ADGRV1: variants seen among roughly 807,000 people sequenced by gnomAD.
The protein encoded by ADGRV1 is G-protein coupled receptor 98.
Under a neutral mutation model 596.2 loss-of-function variants are expected in ADGRV1, and 359 were observed. The observed-to-expected ratio is 0.60, with a 90% CI of 0.55 to 0.66. ADGRV1 has a LOEUF of 0.66. Ranked by LOEUF, ADGRV1 falls within the 30% of genes least tolerant of loss-of-function variation. The pLI, the probability that ADGRV1 is intolerant of heterozygous loss-of-function variation, is 0.00. For missense variants in ADGRV1, 7,274 were observed against 7,575.6 expected, an observed-to-expected ratio of 0.96 and a Z score of 1.48; for synonymous variants, 2,681 against 2,679.2, an observed-to-expected ratio of 1.00 and a Z score of -0.02.
intron 21 of ADGRV1, among the ~76,000 whole-genome samples, chr5:90,663,230 A>C (rs1353459500): frequency 1.4e-5 from 2 of 139,270 alleles, no homozygotes; most frequent in African/African-American, 5.3e-5. Context: ...TCCCACCAAC[A>C]GTGTAAAAGT....
chr5:90,859,519 G>A (rs903002505), intron 82 of ADGRV1, among the ~76,000 whole-genome samples: 10 of 150,540 alleles, frequency 6.6e-5, no homozygotes, highest in African/African-American at 2.5e-4. Flanking sequence ...TGCAACTTCC[G>A]CCTTCTGGGC....
intron 79 of ADGRV1, among the ~76,000 whole-genome samples, chr5:90,850,340 A>G (rs1766355681): frequency 1.3e-5 from 2 of 152,186 alleles, no homozygotes; most frequent in African/African-American, 2.4e-5. Flanking sequence ...CAAAATCAGA[A>G]AAGCCTCACA....
rs565479129 is a variant in ADGRV1 at position 91,143,828 on chromosome 5, T to C, written c.18433-6202T>C. On this transcript the variant is annotated intron_variant, in intron 87 of 89. Transcript: ENST00000405460. Reference sequence around the variant, plus strand: ...GTTCATGATGCCCAGGCCATTCATATGGAGGGGTGCCTGCAGGCCAGTGCT... The same window carrying C: ...GTTCATGATGCCCAGGCCATTCATACGGAGGGGTGCCTGCAGGCCAGTGCT... Among the ~76,000 whole-genome samples the C allele has an allele frequency of 7.2e-5, 11 of 152,256 alleles. No homozygotes were observed. The South Asian group carries it at 2.1e-3, about 29-fold the overall frequency.
At chr5:90,712,775 A>G (rs1414099362) in intron 42 of ADGRV1, among the ~76,000 whole-genome samples, 1 of 151,984 alleles carries the variant, frequency 6.6e-6, no homozygotes, top group African/African-American at 2.4e-5. Context: ...AAAGGTAGTA[A>G]TTCTACCTTT....
chr5:90,716,486 T>A lies in ADGRV1; in HGVS notation c.9204T>A (p.Ala3068=). ...TGGCAGCCTTAATTATTGTCCTTGC[T>A]AATGATGACGGCCCTGGAGTTCTAT... ...KNTIALIIVL[A]NDDGPGVLSF... is the part of the protein sequence containing the mutation. Residue 3068 remains alanine, a synonymous_variant, in exon 43 of 90, where the codon GCT becomes GCA. Coordinates refer to ENST00000405460, the MANE Select transcript of ADGRV1 (RefSeq NM_032119.4). 6.3e-7 allele frequency: 1 copy of A among 1,591,048 alleles called. No individual in the cohort carries two copies. Among genetic ancestry groups the A allele is most frequent in the South Asian group, 1.2e-5 (1 of 85,672 alleles).
chr5:90,639,349 CT>C (rs1314350200), intron 11 of ADGRV1, among the ~76,000 whole-genome samples: 2 of 151,992 alleles, frequency 1.3e-5, no homozygotes, highest in Non-Finnish European at 2.9e-5. Flanking sequence ...TCTGTAGAAA[CT>C]TTGTTAGCTT....
intron 84 of ADGRV1, among the ~76,000 whole-genome samples, chr5:90,976,755 C>T (rs1230027870): frequency 6.6e-6 from 1 of 152,104 alleles, no homozygotes; most frequent in African/African-American, 2.4e-5. Flanking sequence ...CTTCCTGTCA[C>T]CAAGTTAAAT....
chr5:90,848,232 T>A (rs1199492362), intron 78 of ADGRV1, among the ~76,000 whole-genome samples: 1 of 152,194 alleles, frequency 6.6e-6, no homozygotes, highest in Non-Finnish European at 1.5e-5. Context: ...TTTGCCACTA[T>A]TATAAACAAA....
In ADGRV1 at chr5:90,763,446, A is replaced by G. The variant is rs773390739; in HGVS notation, c.12262A>G (p.Asn4088Asp). The part of the protein sequence containing the change: ...EKAKHNLSPL[N>D]GTLHFDETES... ...GGCTAAACATAACCTTAGTCCTTTG[A>G]ATGGGACCCTTCATTTTGATGAGGT... is the stretch of plus-strand genomic sequence containing the variant. Residue 4088 changes from asparagine (N) to aspartate (D), a missense_variant, in exon 59 of 90, where the codon AAT (asparagine) becomes GAT (aspartate). Physicochemically the swap from Asn to Asp is conservative, Grantham distance 23. Coordinates refer to ENST00000405460, the MANE Select transcript of ADGRV1 (RefSeq NM_032119.4). 1.9e-6 allele frequency: 3 copies of G among 1,612,956 alleles called. No individual in the cohort carries two copies. In the South Asian group the frequency reaches 3.3e-5, roughly 18 times the overall value.
intron 21 of ADGRV1, among the ~76,000 whole-genome samples, chr5:90,663,262 C>A (rs1770693975): frequency 7.0e-6 from 1 of 143,700 alleles, no homozygotes; most frequent in Non-Finnish European, 1.5e-5. Flanking sequence ...TCCACATCCT[C>A]TCCAGCACCT....
At chr5:90,971,712 G>C (rs879162812) in intron 84 of ADGRV1, among the ~76,000 whole-genome samples, 3 of 152,100 alleles carry the variant, frequency 2.0e-5, no homozygotes, top group African/African-American at 4.8e-5. Flanking sequence ...CACTAAACAT[G>C]GAAAGGAACA....
intron 8 of ADGRV1, 146 bp downstream of exon 8, chr5:90,628,978 A>G: frequency 1.3e-6 from 1 of 757,620 alleles, no homozygotes; most frequent in Non-Finnish European, 2.0e-6. Flanking sequence ...CTTACTCAGT[A>G]TTCCTTCTGA....
rs758546069 is a variant in ADGRV1 at position 90,788,085 on chromosome 5, A to G, written c.13668A>G (p.Thr4556=). Residue 4556 remains threonine (T), a synonymous_variant, in exon 68 of 90, where the codon ACA becomes ACG. Coordinates refer to ENST00000405460, the MANE Select transcript of ADGRV1 (RefSeq NM_032119.4). ...LLGEIQVNWE[T]VGPNSQEALL... ...ACATCCCGCAGGTGAACTGGGAGAC[A>G]GTAGGACCCAACTCTCAAGAAGCCT... is the stretch of plus-strand genomic sequence containing the variant. 6 of 1,611,146 alleles carry G rather than the reference A, an allele frequency of 3.7e-6. No homozygotes were observed. Among genetic ancestry groups the G allele is most frequent in the South Asian group, 1.1e-5 (1 of 90,276 alleles).
At chr5:91,120,077 G>C (rs1424548619) in intron 87 of ADGRV1, among the ~76,000 whole-genome samples, 1 of 152,162 alleles carries the variant, frequency 6.6e-6, no homozygotes, top group Non-Finnish European at 1.5e-5. Context: ...CTTACACCAG[G>C]TGATCACTTG....
At chr5:90,713,969 T>G (rs914033907) in intron 42 of ADGRV1, among the ~76,000 whole-genome samples, 1 of 152,304 alleles carries the variant, frequency 6.6e-6, no homozygotes, top group South Asian at 2.1e-4. Flanking sequence ...ACCTTGAGAC[T>G]ATTTCCAAAC....
At chr5:90,676,604 C>A (rs115967108) in intron 25 of ADGRV1, among the ~76,000 whole-genome samples, 1,724 of 152,190 alleles carry the variant, frequency 0.011, 32 homozygotes, top group African/African-American at 0.039. Context: ...CATGTTCGTG[C>A]TATTTTTCCC....
chr5:90,694,597 G>T lies in ADGRV1; in HGVS notation c.7841G>T (p.Gly2614Val). ...TLVELMIHRTGGSLGQVAVEW... is the reference protein window; with the variant it reads ...TLVELMIHRTVGSLGQVAVEW... ...GTGGAGCTGATGATACACAGGACAG[G>T]GGGCAGCTTAGGTCAAGTGGCAGTC... is the stretch of plus-strand genomic sequence containing the variant. Residue 2614 changes from glycine to valine, a missense_variant, in exon 33 of 90, where the codon GGG (glycine) becomes GTG (valine). Gly to Val is a moderately radical substitution (Grantham distance 109). Around this residue, in one of 5 missense-constraint regions of ADGRV1, gnomAD observed 3,643 missense variants for 3,809.2 expected, o/e 0.96. Coordinates refer to ENST00000405460, the MANE Select transcript of ADGRV1 (RefSeq NM_032119.4). 1.2e-6 allele frequency: 2 copies of T among 1,613,812 alleles called. No homozygotes were observed. Among genetic ancestry groups the T allele is most frequent in the Non-Finnish European group, 1.7e-6 (2 of 1,179,810 alleles).
chr5:90,853,247 A>G (rs1766706002), intron 79 of ADGRV1, 37 bp from the exon 80 acceptor site: 1 of 1,556,470 alleles, frequency 6.4e-7, no homozygotes, highest in African/African-American at 1.4e-5. Context: ...ATTCAAATAC[A>G]TGCCATTTTT....
At position 90,756,832 on chromosome 5, in the gene ADGRV1, G is replaced by A. The variant is rs1276576092; in HGVS notation, c.11758-147G>A. On this transcript the variant is annotated intron_variant, in intron 56 of 89. Transcript: ENST00000405460. The stretch of plus-strand genomic sequence containing the variant: ...TTTCATTAAATATAAGAGTTCAGAA[G>A]ACCTTTTATGCATACTTATATCTGA... 2.7e-5 allele frequency: 20 copies of A among 748,102 alleles called. No homozygotes were observed. The East Asian group carries it at 4.9e-4, about 18-fold the overall frequency. The allele number at this position is 748,102 out of a possible 1,614,324, so 46.3% of individuals were successfully genotyped here. A position where few individuals can be genotyped will look rare whatever the true frequency, so the allele number is the denominator to read the frequency against.
Sources: gnomAD v4.1 joint callset for allele counts (sites outside exome capture counted in the v4.1 genomes callset) on GRCh38, gnomAD v4.1.1 for gene constraint, gnomAD v4.1.1 regional missense constraint, MANE v1.5 for transcripts, NCBI Gene and HGNC (gene_info 2026-07-23, HGNC 2026-07-21) for gene names.